JAML: variants seen among roughly 807,000 people sequenced by gnomAD.
JAML encodes junctional adhesion molecule-like.
JAML carries 25 observed loss-of-function variants against 39.3 expected under a neutral mutation model. That is an observed-to-expected ratio of 0.64 (90% CI 0.46 to 0.89). The LOEUF (loss-of-function observed/expected upper bound fraction) is 0.89, where lower values mean the gene tolerates loss of function less well. Among genes scored for constraint, JAML ranks in the 40% least tolerant of loss-of-function variants. The pLI, the probability that JAML is intolerant of heterozygous loss-of-function variation, is 0.00. For synonymous variants in JAML, 162 were observed against 179.2 expected, an observed-to-expected ratio of 0.90 and a Z score of 0.77; for missense variants, 440 against 486.9, an observed-to-expected ratio of 0.90 and a Z score of 0.91.
chr11:118,216,825 A>C (rs1462523312), intron 1 of JAML, among the ~76,000 whole-genome samples: 1 of 152,178 alleles, frequency 6.6e-6, no homozygotes, highest in Non-Finnish European at 1.5e-5. Flanking sequence ...TCCCCTAAAC[A>C]AAAGAACCTC....
intron 4 of JAML, among the ~76,000 whole-genome samples, chr11:118,206,676 G>T (rs1426473846): frequency 6.6e-6 from 1 of 152,070 alleles, no homozygotes; most frequent in African/African-American, 2.4e-5. Context: ...TTTTAATCCT[G>T]CTCTCTCCTG....
At chr11:118,205,098 A>G (rs1457702349) in intron 5 of JAML, 1 of 152,244 alleles carries the variant, frequency 6.6e-6, no homozygotes, top group Non-Finnish European at 1.5e-5. Flanking sequence ...CCCATACTCC[A>G]TCATGATGTC....
chr11:118,207,507 C>T (rs1948942922), intron 4 of JAML, among the ~76,000 whole-genome samples: 1 of 152,070 alleles, frequency 6.6e-6, no homozygotes, highest in African/African-American at 2.4e-5. Flanking sequence ...AAGTAGAGGA[C>T]ATTAATCTAA....
intron 2 of JAML, 168 bp from the exon 3 acceptor site, chr11:118,212,729 A>G: frequency 6.6e-7 from 1 of 1,518,344 alleles, no homozygotes; most frequent in East Asian, 2.4e-5. Flanking sequence ...TCCTCTAGTT[A>G]CCTATATGGC....
At chr11:118,209,844 CT>C (rs910628532) in intron 4 of JAML, among the ~76,000 whole-genome samples, 3 of 150,468 alleles carry the variant, frequency 2.0e-5, no homozygotes, top group South Asian at 2.1e-4. Flanking sequence ...CAGACTTTTT[CT>C]TTTTTTTTCT....
At chr11:118,216,143 G>A (rs1221695371) in intron 1 of JAML, among the ~76,000 whole-genome samples, 38 of 152,228 alleles carry the variant, frequency 2.5e-4, no homozygotes, top group African/African-American at 7.0e-4. Flanking sequence ...AGACCAAGGC[G>A]GGCGGATAAC....
chr11:118,205,996 G>C lies in JAML; in HGVS notation c.425-5C>G. The stretch of plus-strand genomic sequence containing the variant: ...CACCCACATGGACCATGAGCTCTGA[G>C]GATAAAACAGTAAATCAAGTCAGAC... On this transcript the variant is annotated splice_region_variant and splice_polypyrimidine_tract_variant and intron_variant, in intron 4 of 9. Transcript: ENST00000356289. 1 of 1,604,544 alleles carries C rather than the reference G, an allele frequency of 6.2e-7. No individual in the cohort carries two copies. The highest frequency in any genetic ancestry group is 8.5e-7 in the Non-Finnish European group (1 of 1,171,306).
intron 8 of JAML, chr11:118,197,521 G>C (rs918643391): frequency 3.9e-5 from 6 of 153,580 alleles, no homozygotes; most frequent in African/African-American, 1.4e-4. Flanking sequence ...TTCTTGCTAA[G>C]ATCTTAGACT....
At chr11:118,211,847 TC>T (rs1282027699) in intron 3 of JAML, among the ~76,000 whole-genome samples, 1 of 152,116 alleles carries the variant, frequency 6.6e-6, no homozygotes, top group African/African-American at 2.4e-5. Context: ...CATCTGCTAA[TC>T]CCAACACTTT....
chr11:118,213,611 T>C (rs1949101925), intron 2 of JAML, among the ~76,000 whole-genome samples: 1 of 152,214 alleles, frequency 6.6e-6, no homozygotes. Flanking sequence ...AATTTAATAT[T>C]AAGAACACTG....
Position 118,210,720 on chromosome 11 carries a change from G to A in JAML, c.199-8C>T, listed in dbSNP as rs1949038538. The A allele has an allele frequency of 6.2e-7, 1 of 1,610,244 alleles. No individual in the cohort carries two copies. Among genetic ancestry groups the A allele is most frequent in the African/African-American group, 1.3e-5 (1 of 74,956 alleles). ...GTATAGCACATATTCGTCCTGAAGGGCAAAACAGTGTTGGAGACAATCAAA... is the reference window on the plus strand; with the variant it reads ...GTATAGCACATATTCGTCCTGAAGGACAAAACAGTGTTGGAGACAATCAAA... On this transcript the variant is annotated splice_region_variant and splice_polypyrimidine_tract_variant and intron_variant, in intron 3 of 9. Coordinates refer to ENST00000356289, the MANE Select transcript of JAML (RefSeq NM_001098526.2).
At position 118,194,192 on chromosome 11, in the gene JAML, A is replaced by G. The variant is rs1176195316; in HGVS notation, c.*133T>C. ...GCCAGGCTCCAAATTCTCCATCTTC[A>G]GTGTATTGACCAAACAATGAGACAG... On this transcript the variant is annotated 3_prime_UTR_variant, in exon 10 of 10. Coordinates refer to ENST00000356289, the MANE Select transcript of JAML (RefSeq NM_001098526.2). 10 of 766,416 alleles carry G rather than the reference A, an allele frequency of 1.3e-5. No individual in the cohort carries two copies. Among genetic ancestry groups the G allele is most frequent in the Non-Finnish European group, 2.2e-5 (10 of 447,284 alleles). 47.5% of individuals were successfully genotyped at this position (766,416 alleles called of 1,614,324 possible).
chr11:118,194,524 G>A, intron 9 of JAML, 107 bp from the exon 10 acceptor site: 1 of 829,868 alleles, frequency 1.2e-6, no homozygotes, highest in Non-Finnish European at 2.0e-6. Flanking sequence ...GCCCAGTACT[G>A]AATTTCATAT....
At chr11:118,200,433 C>A in intron 7 of JAML, 41 bp downstream of exon 7, 1 of 1,610,134 alleles carries the variant, frequency 6.2e-7, no homozygotes, top group Non-Finnish European at 8.5e-7. Flanking sequence ...CAGCCTTGCA[C>A]CCCCAGCCTC....
chr11:118,219,805 C>T (rs1313553616), intron 1 of JAML, among the ~76,000 whole-genome samples: 4 of 152,236 alleles, frequency 2.6e-5, no homozygotes, highest in Non-Finnish European at 5.9e-5. Context: ...TCTCAGTGAA[C>T]AGCATCCAAG....
intron 1 of JAML, among the ~76,000 whole-genome samples, chr11:118,221,673 G>A (rs898046377): frequency 1.3e-5 from 2 of 152,212 alleles, no homozygotes; most frequent in Non-Finnish European, 2.9e-5. Context: ...CAGGGGTTGG[G>A]GACCCCTGCT....
chr11:118,203,246 G>C, intron 6 of JAML, 182 bp downstream of exon 6: 1 of 736,542 alleles, frequency 1.4e-6, no homozygotes, highest in South Asian at 1.5e-5. Flanking sequence ...GGCAAGCCAG[G>C]CACCTGAGGA....
chr11:118,204,934 A>G (rs1478164076), intron 5 of JAML: 1 of 152,202 alleles, frequency 6.6e-6, no homozygotes, highest in Non-Finnish European at 1.5e-5. Flanking sequence ...ACATGAATGA[A>G]GTGACCTGGC....
chr11:118,203,450 A>C lies in JAML; in HGVS notation c.750T>G (p.His250Gln). ...TACTTCGAGGCTCTTCCGGGCTGACATGCAGCACAATGGTTTTCTTGAACA... is the reference window on the plus strand; with the variant it reads ...TACTTCGAGGCTCTTCCGGGCTGACCTGCAGCACAATGGTTTTCTTGAACA... The part of the protein sequence containing the change: ...NLVFKKTIVL[H>Q]VSPEEPRTLV... Residue 250 changes from histidine to glutamine, a missense_variant, in exon 6 of 10, where the codon CAT (histidine) becomes CAG (glutamine). His to Gln is a conservative substitution (Grantham distance 24). Coordinates refer to ENST00000356289, the MANE Select transcript of JAML (RefSeq NM_001098526.2). 6.2e-7 allele frequency: 1 copy of C among 1,614,154 alleles called. No individual in the cohort carries two copies. The highest frequency in any genetic ancestry group is 8.5e-7 in the Non-Finnish European group (1 of 1,179,996).
Sources: gnomAD v4.1 joint callset for allele counts (sites outside exome capture counted in the v4.1 genomes callset) on GRCh38, gnomAD v4.1.1 for gene constraint, MANE v1.5 for transcripts, NCBI Gene and HGNC (gene_info 2026-07-23, HGNC 2026-07-21) for gene names.